ARRB2: variants seen among roughly 807,000 people sequenced by gnomAD.
The protein encoded by ARRB2 is beta-arrestin-2.
ARRB2 carries 21 observed loss-of-function variants against 53.4 expected under a neutral mutation model. That is an observed-to-expected ratio of 0.39 (90% CI 0.28 to 0.57). The LOEUF is 0.57. Among genes scored for constraint, ARRB2 ranks in the 20% least tolerant of loss-of-function variants. ARRB2 has a pLI of 0.55. For synonymous variants in ARRB2, 180 were observed against 212.9 expected, an observed-to-expected ratio of 0.85 and a Z score of 1.34; for missense variants, 369 against 527.5, an observed-to-expected ratio of 0.70 and a Z score of 2.94.
intron 2 of ARRB2, chr17:4,715,709 AC>A (rs1914944402): frequency 4.4e-6 from 2 of 453,864 alleles, no homozygotes; most frequent in East Asian, 7.2e-5. Context: ...ACACACACAC[AC>A]ACACACACAC....
chr17:4,714,092 C>G (rs931344959), intron 1 of ARRB2, among the ~76,000 whole-genome samples: 7 of 86,846 alleles, frequency 8.1e-5, no homozygotes, highest in African/African-American at 2.2e-4. Context: ...GCTGGAGATG[C>G]CTAAATTAAT....
At chr17:4,716,235 G>A in intron 4 of ARRB2, 44 bp downstream of exon 4, 3 of 1,613,168 alleles carry the variant, frequency 1.9e-6, no homozygotes, top group Non-Finnish European at 2.5e-6. Flanking sequence ...GTGGGGGCTA[G>A]GGAAGTGAAA....
At chr17:4,720,812 C>A in intron 14 of ARRB2, 134 bp from the exon 15 acceptor site, 1 of 1,076,090 alleles carries the variant, frequency 9.3e-7, no homozygotes, top group Non-Finnish European at 1.4e-6. Context: ...TTGTCCCTTC[C>A]TGTAAATACC....
chr17:4,717,865 T>C lies in ARRB2; in HGVS notation c.486-23T>C. 6.2e-7 allele frequency: 1 copy of C among 1,613,420 alleles called. No individual in the cohort carries two copies. Among genetic ancestry groups the C allele is most frequent in the Non-Finnish European group, 8.5e-7 (1 of 1,179,804 alleles). On this transcript the variant is annotated intron_variant, in intron 7 of 14. Coordinates refer to ENST00000269260, the MANE Select transcript of ARRB2 (RefSeq NM_004313.4). The surrounding 1 kb of genome is among the most constrained non-coding windows in gnomAD (Gnocchi z 6.0). ...GTTGGGGTGTGTGAGGAATGACCCC[T>C]CCTGCCCCTACTCTGATCCCAGGAA...
chr17:4,711,268 G>T (rs1914372761), intron 1 of ARRB2, among the ~76,000 whole-genome samples: 1 of 152,060 alleles, frequency 6.6e-6, no homozygotes, highest in Non-Finnish European at 1.5e-5. Flanking sequence ...TCTTGGGGGA[G>T]CCGAGTGCGT....
At chr17:4,716,731 T>C in intron 5 of ARRB2, 123 bp downstream of exon 5, 1 of 1,445,886 alleles carries the variant, frequency 6.9e-7, no homozygotes, top group Non-Finnish European at 9.1e-7. Flanking sequence ...CTAGATCCAC[T>C]TCCCTTCAGG....
rs903822397 is a variant in ARRB2, at chr17:4,721,192, C to T, written c.*153C>T. The T allele has an allele frequency of 1.2e-5, 9 of 724,106 alleles. No homozygotes were observed. The highest frequency in any genetic ancestry group is 2.0e-5 in the Non-Finnish European group (9 of 442,140). 44.9% of individuals were successfully genotyped at this position (724,106 alleles called of 1,614,324 possible). A position where few individuals can be genotyped will look rare whatever the true frequency, so the allele number is the denominator to read the frequency against. ...AATCCCTTCACACTCTCTCCCCCAT[C>T]CCCCCAAGATACACACTGGACCCTC... On this transcript the variant is annotated 3_prime_UTR_variant, in exon 15 of 15. Transcript: ENST00000269260. This position sits in a 1 kb window ranked among gnomAD's most constrained non-coding sequence, Gnocchi z 4.2.
chr17:4,720,842 G>C (rs747138030), intron 14 of ARRB2, 104 bp from the exon 15 acceptor site: 36 of 1,250,830 alleles, frequency 2.9e-5, no homozygotes, highest in Non-Finnish European at 3.9e-5. Flanking sequence ...ACTGCTGTTC[G>C]AACGCCTCTG....
intron 1 of ARRB2, among the ~76,000 whole-genome samples, chr17:4,713,062 C>T (rs1914589548): frequency 6.6e-6 from 1 of 152,232 alleles, no homozygotes; most frequent in African/African-American, 2.4e-5. Flanking sequence ...AATCTCAGCT[C>T]ACTGCAACCT....
rs1349263726 is a variant in ARRB2, at chr17:4,717,568, C to T, written c.418-117C>T. 1.3e-5 allele frequency: 18 copies of T among 1,350,276 alleles called. No individual in the cohort carries two copies. Among genetic ancestry groups the T allele is most frequent in the Admixed American group, 1.7e-5 (1 of 57,684 alleles). 83.6% of individuals were successfully genotyped at this position (1,350,276 alleles called of 1,614,324 possible). ...AGGAAGAAGACTTAGTCCCCAGGGTCGTGAGACCACAATGAGGCAAGAGTC... is the reference window on the plus strand; with the variant it reads ...AGGAAGAAGACTTAGTCCCCAGGGTTGTGAGACCACAATGAGGCAAGAGTC... On this transcript the variant is annotated intron_variant, in intron 6 of 14. Transcript: ENST00000269260. This position sits in a 1 kb window ranked among gnomAD's most constrained non-coding sequence, Gnocchi z 6.0.
At chr17:4,715,728 C>CACAAACACAA in intron 2 of ARRB2, 1 of 512,196 alleles carries the variant, frequency 2.0e-6, no homozygotes. Flanking sequence ...CACACACAAA[C>CACAAACACAA]ACACACACAC....
In ARRB2 at chr17:4,715,977, C is replaced by T; in HGVS notation, c.59C>T (p.Thr20Ile). 1 of 1,614,198 alleles carries T rather than the reference C, an allele frequency of 6.2e-7. No homozygotes were observed. The highest frequency in any genetic ancestry group is 8.5e-7 in the Non-Finnish European group (1 of 1,180,030). ...GTGACCCCTTGACATCCTCAGCTCA[C>T]CGTGTACTTGGGCAAGCGGGACTTC... ...FKKSSPNCKLTVYLGKRDFVD... is the reference protein window; with the variant it reads ...FKKSSPNCKLIVYLGKRDFVD... Residue 20 changes from threonine to isoleucine, a missense_variant, in exon 3 of 15, where the codon ACC (threonine) becomes ATC (isoleucine). Physicochemically the swap from Thr to Ile is moderately conservative, Grantham distance 89. Coordinates refer to ENST00000269260, the MANE Select transcript of ARRB2 (RefSeq NM_004313.4).
At chr17:4,718,967 T>C (rs1597486076) in intron 10 of ARRB2, among the ~76,000 whole-genome samples, 1 of 151,984 alleles carries the variant, frequency 6.6e-6, no homozygotes, top group South Asian at 2.1e-4. Context: ...AGAGACGAGG[T>C]TTCACCATGT....
Position 4,721,224 on chromosome 17 carries a change from T to C in ARRB2, c.*185T>C, listed in dbSNP as rs1315399074. Reference sequence around the variant, plus strand: ...AGATACACACTGGACCCTCTCTTGCTGAATGTGGGCATTAATTTTTTGACT... The same window carrying C: ...AGATACACACTGGACCCTCTCTTGCCGAATGTGGGCATTAATTTTTTGACT... On this transcript the variant is annotated 3_prime_UTR_variant, in exon 15 of 15. Coordinates refer to ENST00000269260, the MANE Select transcript of ARRB2 (RefSeq NM_004313.4). This position sits in a 1 kb window ranked among gnomAD's most constrained non-coding sequence, Gnocchi z 4.2. 10 of 569,282 alleles carry C rather than the reference T, an allele frequency of 1.8e-5. 1 individual carries two copies. Among genetic ancestry groups the C allele is most frequent in the South Asian group, 2.6e-5 (1 of 38,856 alleles). The allele number at this position is 569,282 out of a possible 1,614,324, so 35.3% of individuals were successfully genotyped here.
At chr17:4,720,719 C>T in intron 14 of ARRB2, 79 bp downstream of exon 14, 1 of 1,328,802 alleles carries the variant, frequency 7.5e-7, no homozygotes, top group Non-Finnish European at 1.0e-6. Flanking sequence ...ATACCTCTTC[C>T]TTGCTTTTGG....
intron 1 of ARRB2, among the ~76,000 whole-genome samples, 172 bp downstream of exon 1, chr17:4,710,916 G>A (rs1954658316): frequency 6.6e-6 from 1 of 151,954 alleles, no homozygotes; most frequent in African/African-American, 2.4e-5. Flanking sequence ...AGGGTGGGGG[G>A]GAAATGCCCG....
intron 3 of ARRB2, 27 bp downstream of exon 3, chr17:4,716,060 C>T (rs754489526): frequency 4.3e-6 from 7 of 1,614,010 alleles, no homozygotes; most frequent in Admixed American, 3.3e-5. Flanking sequence ...AGGGACAGCT[C>T]GTTCCCCAAG....
Position 4,719,263 on chromosome 17 carries a change from TCTC to T in ARRB2, c.780-19_780-17del, listed in dbSNP as rs754678544. On this transcript the variant is annotated splice_polypyrimidine_tract_variant and intron_variant, in intron 10 of 14. Transcript: ENST00000269260. ...AGCCCAGCGCCCCTAAGCATCTTGTTCTCTTGTCCCCACCCCCAGTGACCAGGT... is the reference window on the plus strand; with the variant it reads ...AGCCCAGCGCCCCTAAGCATCTTGTTTTGTCCCCACCCCCAGTGACCAGGT... 4.4e-6 allele frequency: 7 copies of T among 1,603,834 alleles called. No homozygotes were observed. In the African/African-American group the frequency reaches 9.4e-5, roughly 21 times the overall value.
intron 13 of ARRB2, 55 bp from the exon 14 acceptor site, chr17:4,720,531 G>A (rs538945459): frequency 1.3e-6 from 2 of 1,582,638 alleles, no homozygotes; most frequent in Middle Eastern, 1.7e-4. Flanking sequence ...GGCCAGTGGA[G>A]GAAAACTGGC....
Sources: allele counts gnomAD v4.1 joint callset (sites outside exome capture counted in the v4.1 genomes callset), GRCh38; gene constraint gnomAD v4.1.1; non-coding constraint Gnocchi (gnomAD v3.1); transcripts MANE v1.5; gene names NCBI Gene and HGNC (gene_info 2026-07-23, HGNC 2026-07-21).